GRIK2: variants seen among roughly 807,000 people sequenced by gnomAD.
GRIK2 encodes glutamate ionotropic receptor kainate type subunit 2.
GRIK2 carries 32 observed loss-of-function variants against 100.3 expected under a neutral mutation model. That is an observed-to-expected ratio of 0.32 (90% CI 0.24 to 0.43). GRIK2 has a LOEUF of 0.43. Ranked by LOEUF, GRIK2 falls within the 20% of genes least tolerant of loss-of-function variation. The probability of loss-of-function intolerance (pLI) is 1.00; values close to 1 mark genes in which losing one functional copy is unlikely to be tolerated. For synonymous variants in GRIK2, 417 were observed against 389.4 expected (o/e 1.07, Z -0.83); for missense variants, 843 against 1,114.9 (o/e 0.76, Z 3.47).
At chr6:101,958,231 G>A (rs1397630258) in intron 14 of GRIK2, among the ~76,000 whole-genome samples, 1 of 89,102 alleles carries the variant, frequency 1.1e-5, no homozygotes, top group East Asian at 3.7e-4. Flanking sequence ...TTACCTACTT[G>A]TTTAAATGTA....
In GRIK2 at chr6:101,676,608, C is replaced by A; in HGVS notation, c.542-15C>A. On this transcript the variant is annotated splice_polypyrimidine_tract_variant and intron_variant, in intron 4 of 16. Transcript: ENST00000369134. ...ATCTCTAATATTCTTTTTTTTTTTT[C>A]CATTTTAATTAAAGGTCTCATTCGT... 5.2e-6 allele frequency: 7 copies of A among 1,333,934 alleles called. No individual in the cohort carries two copies. The highest frequency in any genetic ancestry group is 7.0e-6 in the Non-Finnish European group (7 of 993,590). 82.6% of individuals were successfully genotyped at this position (1,333,934 alleles called of 1,614,324 possible).
chr6:101,570,184 C>G (rs958212734), intron 2 of GRIK2, among the ~76,000 whole-genome samples: 3 of 152,036 alleles, frequency 2.0e-5, no homozygotes, highest in Non-Finnish European at 2.9e-5. Context: ...GATCTCTATA[C>G]AGTTTGGGAA....
intron 2 of GRIK2, among the ~76,000 whole-genome samples, chr6:101,547,320 T>G (rs931231587): frequency 1.9e-5 from 1 of 51,832 alleles, no homozygotes; most frequent in Non-Finnish European, 3.8e-5. Flanking sequence ...TTCTTTTTTT[T>G]GGATTTTTTT....
In GRIK2 at chr6:102,048,776, C is replaced by T. The variant is rs141215386; in HGVS notation, c.2312-6554C>T. 2.7e-3 allele frequency among the ~76,000 whole-genome samples: 412 copies of T among 151,998 alleles called. 1 individual carries two copies. Among genetic ancestry groups the T allele is most frequent in the African/African-American group, 9.4e-3 (389 of 41,456 alleles). On this transcript the variant is annotated intron_variant, in intron 15 of 16. Transcript: ENST00000369134. ...TAAAAATATTTTCCCAGAACCAAAG[C>T]GAGCAACTAGTACCAAACCACTACC...
intron 4 of GRIK2, among the ~76,000 whole-genome samples, chr6:101,655,313 T>G (rs1782005179): frequency 6.6e-6 from 1 of 152,188 alleles, no homozygotes; most frequent in Admixed American, 6.5e-5. Context: ...CCACCCATCA[T>G]GTAAATGGCT....
chr6:102,030,847 T>C (rs1446463733), intron 14 of GRIK2, among the ~76,000 whole-genome samples: 2 of 151,020 alleles, frequency 1.3e-5, no homozygotes, highest in African/African-American at 4.8e-5. Context: ...TTTTTAGCTT[T>C]GATATCCCCT....
chr6:101,401,017 TTGTG>T (rs1562111050), intron 2 of GRIK2, among the ~76,000 whole-genome samples: 1 of 152,080 alleles, frequency 6.6e-6, no homozygotes, highest in African/African-American at 2.4e-5. Context: ...TGTGTGTTTT[TTGTG>T]TGTGTGTTTT....
chr6:101,502,424 T>C (rs927838846), intron 2 of GRIK2, among the ~76,000 whole-genome samples: 1 of 152,130 alleles, frequency 6.6e-6, no homozygotes. Context: ...AAATGAATCT[T>C]GGTGTATGTA....
At chr6:101,638,460 A>T (rs1781125867) in intron 4 of GRIK2, among the ~76,000 whole-genome samples, 1 of 152,016 alleles carries the variant, frequency 6.6e-6, no homozygotes, top group African/African-American at 2.4e-5. Context: ...GGGTTGCCAG[A>T]AAATACCTTA....
chr6:101,796,382 C>T (rs1780304608), intron 7 of GRIK2, among the ~76,000 whole-genome samples: 1 of 152,140 alleles, frequency 6.6e-6, no homozygotes, highest in African/African-American at 2.4e-5. Context: ...TGTGAGCATT[C>T]TTGTGAGAAT....
At chr6:102,025,208 C>A (rs1275196606) in intron 14 of GRIK2, among the ~76,000 whole-genome samples, 1 of 150,868 alleles carries the variant, frequency 6.6e-6, no homozygotes, top group African/African-American at 2.4e-5. Flanking sequence ...CCATTTTTTT[C>A]TAATTTATTC....
chr6:101,938,517 A>G (rs978210121), intron 14 of GRIK2, among the ~76,000 whole-genome samples: 1 of 152,142 alleles, frequency 6.6e-6, no homozygotes, highest in Non-Finnish European at 1.5e-5. Flanking sequence ...TCTTATTCTT[A>G]AAGAGATCTT....
chr6:101,841,057 T>C (rs796364721), intron 10 of GRIK2, among the ~76,000 whole-genome samples: 40 of 152,318 alleles, frequency 2.6e-4, no homozygotes, highest in African/African-American at 9.6e-4. Context: ...ATTTGCTGTT[T>C]TTAACTTTTA....
intron 12 of GRIK2, among the ~76,000 whole-genome samples, chr6:101,916,445 C>CT (rs11444309): frequency 0.94 from 141,978 of 151,504 alleles, 66,559 homozygotes; most frequent in Middle Eastern, 0.97. Context: ...GTCTTCTATT[C>CT]GAGTGAAAAT....
intron 2 of GRIK2, among the ~76,000 whole-genome samples, chr6:101,571,000 A>G (rs905321787): frequency 6.6e-5 from 10 of 152,126 alleles, no homozygotes; most frequent in African/African-American, 2.4e-4. Flanking sequence ...TTTAATTGAA[A>G]GGATAGTTCT....
intron 2 of GRIK2, among the ~76,000 whole-genome samples, chr6:101,500,076 G>C (rs1045463453): frequency 6.6e-6 from 1 of 152,108 alleles, no homozygotes; most frequent in African/African-American, 2.4e-5. Flanking sequence ...ATAAGAACTT[G>C]AAACACTGTA....
intron 10 of GRIK2, among the ~76,000 whole-genome samples, chr6:101,848,216 C>G (rs1366792346): frequency 6.6e-6 from 1 of 152,102 alleles, no homozygotes; most frequent in African/African-American, 2.4e-5. Context: ...AGCTCTCCAA[C>G]CAAGATTCTG....
chr6:101,411,554 T>C (rs1775884002), intron 2 of GRIK2, among the ~76,000 whole-genome samples: 1 of 152,124 alleles, frequency 6.6e-6, no homozygotes, highest in African/African-American at 2.4e-5. Context: ...TGCTAGATAA[T>C]CCTAAGAAGT....
chr6:101,546,989 C>A (rs1451142675), intron 2 of GRIK2, among the ~76,000 whole-genome samples: 1 of 150,186 alleles, frequency 6.7e-6, no homozygotes, highest in Non-Finnish European at 1.5e-5. Context: ...CGCCACTACG[C>A]CCAGCTAATT....
Sources: gnomAD v4.1 joint callset for allele counts (sites outside exome capture counted in the v4.1 genomes callset) on GRCh38, gnomAD v4.1.1 for gene constraint, MANE v1.5 for transcripts, NCBI Gene and HGNC (gene_info 2026-07-23, HGNC 2026-07-21) for gene names.